Variants in DNAAF2 observed in about 807,000 individuals in gnomAD.
DNAAF2 encodes dynein axonemal assembly factor 2.
In DNAAF2, 58 loss-of-function variants were observed where a neutral mutation model predicts 48.8. The observed-to-expected ratio is 1.19, with a 90% CI of 0.96 to 1.48. The LOEUF is 1.48. DNAAF2 is among the 40% of genes most tolerant of loss of function. The pLI is 0.00. For synonymous variants in DNAAF2, 567 were observed against 481.2 expected (o/e 1.18, Z -2.33); for missense variants, 1,241 against 1,116.1 (o/e 1.11, Z -1.59).
rs1389972313 is a variant in DNAAF2 at position 49,634,080 on chromosome 14, G to A, written c.1070C>T (p.Pro357Leu). Residue 357 changes from proline to leucine, a missense_variant, in exon 1 of 3, where the codon CCC becomes CTC. Pro to Leu is a moderately conservative substitution (Grantham distance 98). Transcript: ENST00000298292. The stretch of plus-strand genomic sequence containing the variant: ...CGCGGCGGCGGCGACGGCGACAGCG[G>A]GCTCCCGGCGCGCGGCCGGCAGCAC... The part of the protein sequence containing the change: ...PVVLPAARRE[P>L]AVAVAAAAPE... 2 of 1,538,154 alleles carry A rather than the reference G, an allele frequency of 1.3e-6. No individual in the cohort carries two copies. Among genetic ancestry groups the A allele is most frequent in the South Asian group, 1.2e-5 (1 of 83,504 alleles).
At chr14:49,630,959 C>A (rs796615110) in intron 1 of DNAAF2, among the ~76,000 whole-genome samples, 4 of 152,196 alleles carry the variant, frequency 2.6e-5, no homozygotes, top group African/African-American at 9.6e-5. Context: ...CCTTGTTGGC[C>A]AGGATGGTCT....
At position 49,634,410 on chromosome 14, in the gene DNAAF2, T is replaced by C. The variant is rs780046342; in HGVS notation, c.740A>G (p.Gln247Arg). The C allele has an allele frequency of 1.0e-5, 16 of 1,577,104 alleles. No homozygotes were observed. In the East Asian group the frequency reaches 3.2e-4, roughly 32 times the overall value. ...RAPSPPEAALQPAPTEPRYSV... is the reference protein window; with the variant it reads ...RAPSPPEAALRPAPTEPRYSV... ...GTAGCGAGGCTCGGTGGGGGCGGGC[T>C]GCAAGGCCGCTTCCGGAGGGGAGGG... The change falls in exon 1 of 3, where the codon CAG (glutamine) becomes CGG (arginine). Residue 247 changes from glutamine (Q) to arginine (R), a missense_variant. By Grantham distance (43) the Gln-to-Arg change is conservative. Transcript: ENST00000298292.
chr14:49,633,720 C>T lies in DNAAF2; in HGVS notation c.1430G>A (p.Trp477Ter), dbSNP rs201976700. The T allele has an allele frequency of 3.8e-6, 6 of 1,597,510 alleles. No individual in the cohort carries two copies. The highest frequency in any genetic ancestry group is 1.3e-5 in the African/African-American group (1 of 74,498). Reference sequence around the variant, plus strand: ...ACTCTCTCTTCCCGCAGAAGAACCCCACGCCAGGCTCCGGGAGGACAAACA... The same window carrying T: ...ACTCTCTCTTCCCGCAGAAGAACCCTACGCCAGGCTCCGGGAGGACAAACA... ...SPCLSSRSLA[W>*]GSSAGRESAR... Residue 477 changes from tryptophan (W) to a stop codon, truncating the protein, a stop_gained, in exon 1 of 3, where the codon TGG (tryptophan) becomes TAG (stop). Coordinates refer to ENST00000298292, the MANE Select transcript of DNAAF2 (RefSeq NM_018139.3). LOFTEE classifies it high-confidence loss of function.
chr14:49,634,623 AAC>A lies in DNAAF2; in HGVS notation c.525_526del (p.Gln175HisfsTer18), dbSNP rs1883285759. On this transcript the variant is annotated frameshift_variant, in exon 1 of 3. Transcript: ENST00000298292. LOFTEE classifies it high-confidence loss of function. Reference sequence around the variant, plus strand: ...ATTCCTGCGGTCCAGCTTCACGCCGAACTGCTTCTCGACGGCCTCCAGGGCCG... The same window carrying A: ...ATTCCTGCGGTCCAGCTTCACGCCGATGCTTCTCGACGGCCTCCAGGGCCG... 3 of 1,607,066 alleles carry A rather than the reference AAC, an allele frequency of 1.9e-6. No individual in the cohort carries two copies. The highest frequency in any genetic ancestry group is 1.7e-6 in the Non-Finnish European group (2 of 1,179,706).
rs1201628322 is a variant in DNAAF2, at chr14:49,634,049, T to C, written c.1101A>G (p.Glu367=). The C allele has an allele frequency of 5.3e-6, 8 of 1,520,472 alleles. No individual in the cohort carries two copies. The highest frequency in any genetic ancestry group is 1.4e-5 in the African/African-American group (1 of 72,104). 94.2% of individuals were successfully genotyped at this position (1,520,472 alleles called of 1,614,324 possible). A position where few individuals can be genotyped will look rare whatever the true frequency, so the allele number is the denominator to read the frequency against. ...CAGTTCCGGACCGGTCCGCGGACTC[T>C]TCCGGCGCGGCGGCGGCGACGGCGA... is the stretch of plus-strand genomic sequence containing the variant. ...PAVAVAAAAP[E]ESADRSGTDG... is the part of the protein sequence containing the mutation. Residue 367 remains glutamate, a synonymous_variant, in exon 1 of 3, where the codon GAA becomes GAG. Transcript: ENST00000298292.
rs116185352 is a variant in DNAAF2, at chr14:49,635,006, G to A, written c.144C>T (p.Asn48=). ...QYAEELTDPE[N]RRRYEAEITA... is the part of the protein sequence containing the mutation. The stretch of plus-strand genomic sequence containing the variant: ...TGATCTCCGCCTCGTAGCGCCGCCG[G>A]TTCTCCGGGTCGGTGAGCTCCTCGG... The change falls in exon 1 of 3, where the codon AAC becomes AAT. Residue 48 remains asparagine, a synonymous_variant. Transcript: ENST00000298292. The A allele has an allele frequency of 2.6e-6, 4 of 1,568,222 alleles. No individual in the cohort carries two copies. Among genetic ancestry groups the A allele is most frequent in the Admixed American group, 3.7e-5 (2 of 53,444 alleles).
At position 49,634,484 on chromosome 14, in the gene DNAAF2, C is replaced by T. The variant is rs1429090647; in HGVS notation, c.666G>A (p.Pro222=). The T allele has an allele frequency of 6.3e-7, 1 of 1,585,588 alleles. No individual in the cohort carries two copies. Among genetic ancestry groups the T allele is most frequent in the Non-Finnish European group, 8.5e-7 (1 of 1,171,924 alleles). Reference sequence around the variant, plus strand: ...GGTACTGGTAAGGGTAGGGGAAGTCCGGGAGAGGACCCTTCGGCTCCCCGT... The same window carrying T: ...GGTACTGGTAAGGGTAGGGGAAGTCTGGGAGAGGACCCTTCGGCTCCCCGT... ...RPDGEPKGPL[P]DFPYPYQYPA... is the part of the protein sequence containing the mutation. The change falls in exon 1 of 3, where the codon CCG becomes CCA. Residue 222 remains proline (P), a synonymous_variant. Coordinates refer to ENST00000298292, the MANE Select transcript of DNAAF2 (RefSeq NM_018139.3).
In DNAAF2 at chr14:49,634,802, G is replaced by T; in HGVS notation, c.348C>A (p.Gly116=). 1.3e-6 allele frequency: 2 copies of T among 1,556,880 alleles called. No individual in the cohort carries two copies. Among genetic ancestry groups the T allele is most frequent in the Non-Finnish European group, 1.7e-6 (2 of 1,154,036 alleles). The part of the protein sequence containing the change: ...GSGGDRGAAP[G]SHWSLPYSLA... ...GGCTGTAGGGCAGGGACCAGTGGCTGCCAGGAGCTGCGCCCCGGTCGCCAC... is the reference window on the plus strand; with the variant it reads ...GGCTGTAGGGCAGGGACCAGTGGCTTCCAGGAGCTGCGCCCCGGTCGCCAC... The change falls in exon 1 of 3, where the codon GGC becomes GGA. Residue 116 remains glycine, a synonymous_variant. Coordinates refer to ENST00000298292, the MANE Select transcript of DNAAF2 (RefSeq NM_018139.3).
Position 49,627,954 on chromosome 14 carries a change from T to C in DNAAF2, c.2007+58A>G, listed in dbSNP as rs541565454. ...TTATGATATTAAGAAATCAATAATT[T>C]GTTAGGTTTTAACTCTGTGCTTCAT... is the stretch of plus-strand genomic sequence containing the variant. On this transcript the variant is annotated intron_variant, in intron 2 of 2. Coordinates refer to ENST00000298292, the MANE Select transcript of DNAAF2 (RefSeq NM_018139.3). The C allele has an allele frequency of 1.1e-4, 160 of 1,430,552 alleles. No homozygotes were observed. The African/African-American group carries it at 2.3e-3, about 20-fold the overall frequency. 88.6% of individuals were successfully genotyped at this position (1,430,552 alleles called of 1,614,324 possible).
At chr14:49,630,669 CCACACACACA>C (rs71441237) in intron 1 of DNAAF2, among the ~76,000 whole-genome samples, 10 of 132,562 alleles carry the variant, frequency 7.5e-5, no homozygotes, top group South Asian at 2.3e-4. Context: ...AACTCTCTCT[CCACACACACA>C]CACACACACA....
chr14:49,626,515 A>G (rs72678080), intron 2 of DNAAF2, among the ~76,000 whole-genome samples: 9,913 of 152,164 alleles, frequency 0.065, 424 homozygotes, highest in Non-Finnish European at 0.091. Flanking sequence ...GCAGCATTTG[A>G]AGGATGACTT....
intron 2 of DNAAF2, among the ~76,000 whole-genome samples, chr14:49,626,250 T>G (rs941736452): frequency 3.9e-5 from 6 of 152,082 alleles, no homozygotes; most frequent in Admixed American, 3.9e-4. Context: ...CACTTTGGGA[T>G]GCCAAGGCAG....
chr14:49,633,846 G>A lies in DNAAF2; in HGVS notation c.1304C>T (p.Pro435Leu), dbSNP rs1883240824. ...GTGCCTGCTCAAGTCCTGCTCCCCC[G>A]GCTTGGGGACACGCTCCTCTCCAGC... ...AAAGEERVPK[P>L]GEQDLSRHAG... The change falls in exon 1 of 3, where the codon CCG (proline) becomes CTG (leucine). Residue 435 changes from proline (P) to leucine (L), a missense_variant. Coordinates refer to ENST00000298292, the MANE Select transcript of DNAAF2 (RefSeq NM_018139.3). The A allele has an allele frequency of 6.4e-7, 1 of 1,561,952 alleles. No homozygotes were observed. The highest frequency in any genetic ancestry group is 8.6e-7 in the Non-Finnish European group (1 of 1,161,690).
rs1033235488 is a variant in DNAAF2, at chr14:49,625,253, TAAATGTTTTAACTCTC to T, written c.*273_*288del. ...ATATATACATAGGTTGTATTAAAAC[TAAATGTTTTAACTCTC>T]AAATGTTTTAACTCTCAAATAGAAA... On this transcript the variant is annotated 3_prime_UTR_variant, in exon 3 of 3. Transcript: ENST00000298292. 6.2e-4 allele frequency: 120 copies of T among 192,216 alleles called. No homozygotes were observed. Among genetic ancestry groups the T allele is most frequent in the East Asian group, 1.8e-3 (15 of 8,228 alleles). 11.9% of individuals were successfully genotyped at this position (192,216 alleles called of 1,614,324 possible). A position where few individuals can be genotyped will look rare whatever the true frequency, so the allele number is the denominator to read the frequency against.
At chr14:49,628,245 G>A (rs1184033148) in intron 1 of DNAAF2, 90 bp from the exon 2 acceptor site, 7 of 1,072,762 alleles carry the variant, frequency 6.5e-6, no homozygotes, top group Non-Finnish European at 9.4e-6. Flanking sequence ...TTCTCACATT[G>A]TTCAGGGTTA....
rs1171354461 is a variant in DNAAF2, at chr14:49,625,506, T to C, written c.*36A>G. The C allele has an allele frequency of 7.5e-7, 1 of 1,339,424 alleles. No individual in the cohort carries two copies. The highest frequency in any genetic ancestry group is 9.8e-7 in the Non-Finnish European group (1 of 1,016,470). The allele number at this position is 1,339,424 out of a possible 1,614,324, so 83.0% of individuals were successfully genotyped here. A position where few individuals can be genotyped will look rare whatever the true frequency, so the allele number is the denominator to read the frequency against. On this transcript the variant is annotated 3_prime_UTR_variant, in exon 3 of 3. Transcript: ENST00000298292. Reference sequence around the variant, plus strand: ...ATCAATTTTAGATACAGGTATTTTTTAACCTTAATATTTAAAAGTCCAAAA... The same window carrying C: ...ATCAATTTTAGATACAGGTATTTTTCAACCTTAATATTTAAAAGTCCAAAA...
chr14:49,632,837 T>G (rs1410700471), intron 1 of DNAAF2, among the ~76,000 whole-genome samples: 2 of 152,174 alleles, frequency 1.3e-5, no homozygotes, highest in Non-Finnish European at 2.9e-5. Context: ...GCTAAAAAAA[T>G]TACATGTAAC....
chr14:49,633,216 G>C, intron 1 of DNAAF2, 71 bp downstream of exon 1: 1 of 1,562,332 alleles, frequency 6.4e-7, no homozygotes, highest in Non-Finnish European at 8.7e-7. Flanking sequence ...CACCGCGCCC[G>C]GCCGGTAATA....
rs200143372 is a variant in DNAAF2 at position 49,633,728 on chromosome 14, G to A, written c.1422C>T (p.Ser474=). ...TTCCCGCAGAAGAACCCCACGCCAGGCTCCGGGAGGACAAACAAGGGGAGC... is the reference window on the plus strand; with the variant it reads ...TTCCCGCAGAAGAACCCCACGCCAGACTCCGGGAGGACAAACAAGGGGAGC... ...GGGSPCLSSR[S]LAWGSSAGRE... The change falls in exon 1 of 3, where the codon AGC becomes AGT. Residue 474 remains serine, a synonymous_variant. Coordinates refer to ENST00000298292, the MANE Select transcript of DNAAF2 (RefSeq NM_018139.3). 5 of 1,595,022 alleles carry A rather than the reference G, an allele frequency of 3.1e-6. No homozygotes were observed. The highest frequency in any genetic ancestry group is 4.3e-6 in the Non-Finnish European group (5 of 1,170,454).
Sources: gnomAD v4.1 joint callset for allele counts (sites outside exome capture counted in the v4.1 genomes callset) on GRCh38, gnomAD v4.1.1 for gene constraint, MANE v1.5 for transcripts, NCBI Gene and HGNC (gene_info 2026-07-23, HGNC 2026-07-21) for gene names.